The following SCP2 variants were observed in gnomAD, a reference collection of about 807,000 sequenced individuals.
SCP2 encodes SCP-2/3-oxoacyl-CoA thiolase.
In SCP2, 48 loss-of-function variants were observed where a neutral mutation model predicts 71.4. The observed-to-expected ratio is 0.67, with a 90% CI of 0.53 to 0.86. The LOEUF (loss-of-function observed/expected upper bound fraction) is 0.86, where lower values mean the gene tolerates loss of function less well. Among genes scored for constraint, SCP2 ranks in the 40% least tolerant of loss-of-function variants. The probability of loss-of-function intolerance (pLI) is 0.00; values close to 1 mark genes in which losing one functional copy is unlikely to be tolerated. For synonymous variants in SCP2, 220 were observed against 218.1 expected, an observed-to-expected ratio of 1.01 and a Z score of -0.08; for missense variants, 560 against 655.6, an observed-to-expected ratio of 0.85 and a Z score of 1.59.
At chr1:53,021,368 G>A (rs1402512420) in intron 12 of SCP2, among the ~76,000 whole-genome samples, 1 of 148,586 alleles carries the variant, frequency 6.7e-6, no homozygotes, top group Non-Finnish European at 1.5e-5. Flanking sequence ...CCAGGCTGGA[G>A]TGCAGTTGCG....
At chr1:52,996,446 G>C (rs560588745) in intron 11 of SCP2, among the ~76,000 whole-genome samples, 1 of 152,186 alleles carries the variant, frequency 6.6e-6, no homozygotes, top group African/African-American at 2.4e-5. Context: ...TGCAAGGAAG[G>C]GGATGGGATT....
At chr1:53,019,682 A>G (rs1661583529) in intron 12 of SCP2, among the ~76,000 whole-genome samples, 1 of 152,256 alleles carries the variant, frequency 6.6e-6, no homozygotes, top group Non-Finnish European at 1.5e-5. Context: ...CAGCAAGCGC[A>G]GTAGCACACA....
chr1:53,050,562 T>G, intron 15 of SCP2, 47 bp from the exon 16 acceptor site: 1 of 1,280,396 alleles, frequency 7.8e-7, no homozygotes, highest in Non-Finnish European at 1.1e-6. Flanking sequence ...ATCAGCAATC[T>G]TAAAACAAAA....
intron 14 of SCP2, among the ~76,000 whole-genome samples, chr1:53,039,487 C>T (rs770175892): frequency 6.6e-6 from 1 of 152,180 alleles, no homozygotes; most frequent in African/African-American, 2.4e-5. Flanking sequence ...TACTCACAAT[C>T]GCCAGTTATT....
intron 6 of SCP2, among the ~76,000 whole-genome samples, chr1:52,967,377 G>A (rs1424343182): frequency 1.3e-5 from 2 of 151,250 alleles, no homozygotes; most frequent in African/African-American, 4.9e-5. Flanking sequence ...GGCCAATTTT[G>A]GTAGTCTGTA....
chr1:52,949,592 G>C (rs897222244), intron 3 of SCP2, among the ~76,000 whole-genome samples: 1 of 152,136 alleles, frequency 6.6e-6, no homozygotes, highest in Non-Finnish European at 1.5e-5. Context: ...CTCACATTCT[G>C]TATTTGTCCT....
chr1:52,941,429 A>G (rs975401109), intron 1 of SCP2, among the ~76,000 whole-genome samples: 1 of 152,116 alleles, frequency 6.6e-6, no homozygotes, highest in Non-Finnish European at 1.5e-5. Flanking sequence ...ATAGATTTTT[A>G]TTGTGTAAAA....
rs555361147 is a variant in SCP2, at chr1:52,988,673, T to C, written c.1081+537T>C. 9.4e-5 allele frequency among the ~76,000 whole-genome samples: 14 copies of C among 148,610 alleles called. 1 individual carries two copies. The South Asian group carries it at 2.9e-3, about 31-fold the overall frequency. ...CAAACCTCACCATGCAATTCCTTTT[T>C]TCTTTCTTTCTTTTCTTTTTTTTTT... is the stretch of plus-strand genomic sequence containing the variant. On this transcript the variant is annotated intron_variant, in intron 11 of 15. Transcript: ENST00000371514.
intron 10 of SCP2, among the ~76,000 whole-genome samples, chr1:52,984,096 C>T (rs912084648): frequency 2.0e-5 from 3 of 152,194 alleles, no homozygotes; most frequent in African/African-American, 7.2e-5. Context: ...ATCCTCTTCT[C>T]TGGCTCTCTC....
Position 52,978,383 on chromosome 1 carries a change from T to C in SCP2, c.825+16T>C. 2 of 1,597,598 alleles carry C rather than the reference T, an allele frequency of 1.3e-6. No homozygotes were observed. The highest frequency in any genetic ancestry group is 1.7e-6 in the Non-Finnish European group (2 of 1,165,164). The stretch of plus-strand genomic sequence containing the variant: ...TATTAAAATGGTATGTCTGAGATTC[T>C]ATTTGTTATTTTTATTTTTAAGATG... On this transcript the variant is annotated intron_variant, in intron 9 of 15. Transcript: ENST00000371514.
chr1:53,014,777 C>A, intron 11 of SCP2, 113 bp from the exon 12 acceptor site: 2 of 1,204,704 alleles, frequency 1.7e-6, no homozygotes, highest in Non-Finnish European at 2.4e-6. Flanking sequence ...TTACTATTTA[C>A]ACAAACGTGG....
chr1:52,974,922 T>C lies in SCP2; in HGVS notation c.587+90T>C, dbSNP rs1657816523. The C allele has an allele frequency of 4.0e-6, 3 of 758,514 alleles. No individual in the cohort carries two copies. The Admixed American group carries it at 5.5e-5, about 14-fold the overall frequency. The allele number at this position is 758,514 out of a possible 1,614,324, so 47.0% of individuals were successfully genotyped here. Reference sequence around the variant, plus strand: ...TATACTTGAAAAGCAAATGCCAAGATCTCAAATATTTTAACTAGAATGTTT... The same window carrying C: ...TATACTTGAAAAGCAAATGCCAAGACCTCAAATATTTTAACTAGAATGTTT... On this transcript the variant is annotated intron_variant, in intron 7 of 15. Transcript: ENST00000371514.
chr1:52,937,917 C>A (rs966065746), intron 1 of SCP2, among the ~76,000 whole-genome samples: 1 of 152,164 alleles, frequency 6.6e-6, no homozygotes, highest in Admixed American at 6.5e-5. Flanking sequence ...GATTGCTGGA[C>A]AGCTATATTT....
At chr1:53,011,778 TG>T (rs1418388728) in intron 11 of SCP2, among the ~76,000 whole-genome samples, 1 of 152,218 alleles carries the variant, frequency 6.6e-6, no homozygotes, top group Non-Finnish European at 1.5e-5. Flanking sequence ...ATTTGCTATT[TG>T]GGGGAAGCCC....
Position 52,965,190 on chromosome 1 carries a change from T to C in SCP2, c.523+3561T>C, listed in dbSNP as rs184349260. Among the ~76,000 whole-genome samples the C allele has an allele frequency of 1.2e-4, 18 of 152,358 alleles. No homozygotes were observed. In the East Asian group the frequency reaches 3.3e-3, roughly 28 times the overall value. Reference sequence around the variant, plus strand: ...AATTTCACCAGTTATCTCACTAACATCTTTTTCTGGCCCAAGAGCCCTCAT... The same window carrying C: ...AATTTCACCAGTTATCTCACTAACACCTTTTTCTGGCCCAAGAGCCCTCAT... On this transcript the variant is annotated intron_variant, in intron 6 of 15. Transcript: ENST00000371514.
intron 13 of SCP2, among the ~76,000 whole-genome samples, chr1:53,029,427 G>A (rs1165516921): frequency 2.6e-5 from 4 of 151,994 alleles, no homozygotes; most frequent in Admixed American, 2.6e-4. Flanking sequence ...CTGCCTGGAT[G>A]TATTTCATTA....
At chr1:52,973,882 A>G (rs1657714685) in intron 6 of SCP2, among the ~76,000 whole-genome samples, 1 of 152,218 alleles carries the variant, frequency 6.6e-6, no homozygotes, top group Non-Finnish European at 1.5e-5. Context: ...GGTTACAGGC[A>G]TGAGCCATCG....
chr1:53,023,999 T>G (rs1445156723), intron 12 of SCP2, among the ~76,000 whole-genome samples: 1 of 152,192 alleles, frequency 6.6e-6, no homozygotes, highest in Non-Finnish European at 1.5e-5. Context: ...CTTTCTTCGC[T>G]TGAGTCTCCT....
chr1:52,929,453 T>A (rs1343633199), intron 1 of SCP2, among the ~76,000 whole-genome samples: 1 of 151,892 alleles, frequency 6.6e-6, no homozygotes. Context: ...AATACTTTAT[T>A]TTTATTTTTT....
Sources: allele counts gnomAD v4.1 joint callset (sites outside exome capture counted in the v4.1 genomes callset), GRCh38; gene constraint gnomAD v4.1.1; transcripts MANE v1.5; gene names NCBI Gene and HGNC (gene_info 2026-07-23, HGNC 2026-07-21).